CNTNAP2: variants seen among roughly 807,000 people sequenced by gnomAD.
CNTNAP2 encodes contactin-associated protein-like 2.
Under a neutral mutation model 155.2 loss-of-function variants are expected in CNTNAP2, and 98 were observed. The observed-to-expected ratio is 0.63, with a 90% CI of 0.54 to 0.75. The LOEUF (loss-of-function observed/expected upper bound fraction) is 0.75, where lower values mean the gene tolerates loss of function less well. Among genes scored for constraint, CNTNAP2 ranks in the 30% least tolerant of loss-of-function variants. The probability of loss-of-function intolerance (pLI) is 0.00; values close to 1 mark genes in which losing one functional copy is unlikely to be tolerated. For synonymous variants in CNTNAP2, 651 were observed against 631.2 expected (o/e 1.03, Z -0.47); for missense variants, 1,727 against 1,688.1 (o/e 1.02, Z -0.40).
intron 5 of CNTNAP2, among the ~76,000 whole-genome samples, chr7:147,111,876 A>G (rs951806110): frequency 1.1e-4 from 17 of 152,046 alleles, no homozygotes; most frequent in Non-Finnish European, 2.5e-4. Flanking sequence ...GTGAATTTTT[A>G]AATAGTTTTT....
At chr7:146,433,800 G>C (rs933262002) in intron 1 of CNTNAP2, among the ~76,000 whole-genome samples, 1 of 152,136 alleles carries the variant, frequency 6.6e-6, no homozygotes, top group African/African-American at 2.4e-5. Flanking sequence ...TGAGAACTCC[G>C]TCATGATATG....
chr7:147,280,262 C>T (rs916290858), intron 8 of CNTNAP2, among the ~76,000 whole-genome samples: 1 of 151,856 alleles, frequency 6.6e-6, no homozygotes, highest in Non-Finnish European at 1.5e-5. Context: ...ATAAATTAAA[C>T]AACTGAGGCT....
chr7:146,928,766 G>T (rs539800284), intron 3 of CNTNAP2, among the ~76,000 whole-genome samples: 4 of 152,178 alleles, frequency 2.6e-5, no homozygotes, highest in African/African-American at 7.2e-5. Context: ...CTTAAAAAGC[G>T]GTGCACCAGG....
At chr7:146,648,571 G>T (rs906733706) in intron 1 of CNTNAP2, among the ~76,000 whole-genome samples, 5 of 152,014 alleles carry the variant, frequency 3.3e-5, no homozygotes, top group African/African-American at 1.2e-4. Context: ...GAGTCTAAGA[G>T]ACCAAATAGA....
chr7:146,712,391 A>AT (rs1801110870), intron 1 of CNTNAP2, among the ~76,000 whole-genome samples: 4 of 132,164 alleles, frequency 3.0e-5, no homozygotes, highest in Admixed American at 7.7e-5. Context: ...TATACTATAT[A>AT]TATAAATAAA....
intron 12 of CNTNAP2, among the ~76,000 whole-genome samples, chr7:147,595,393 A>G (rs1041966882): frequency 4.6e-5 from 7 of 152,172 alleles, no homozygotes; most frequent in Non-Finnish European, 8.8e-5. Flanking sequence ...TCTCCAAAGA[A>G]GTGTCATTTG....
At chr7:147,071,491 T>C (rs1277404420) in intron 4 of CNTNAP2, among the ~76,000 whole-genome samples, 1 of 152,152 alleles carries the variant, frequency 6.6e-6, no homozygotes, top group East Asian at 1.9e-4. Context: ...AAATATGAAA[T>C]GAGTTCCTGA....
At chr7:146,635,489 G>A (rs769424617) in intron 1 of CNTNAP2, among the ~76,000 whole-genome samples, 1 of 152,122 alleles carries the variant, frequency 6.6e-6, no homozygotes, top group Non-Finnish European at 1.5e-5. Context: ...AAGAGGAGGT[G>A]GGGTAGTCAA....
At chr7:147,801,309 G>GTTTTTTTTTTTTTTTTTGATTT (rs57750335) in intron 13 of CNTNAP2, among the ~76,000 whole-genome samples, 1 of 130,392 alleles carries the variant, frequency 7.7e-6, no homozygotes, top group Non-Finnish European at 1.6e-5. Flanking sequence ...CTTCTATGAA[G>GTTTTTTTTTTTTTTTTTGATTT]TTTTTTTTTT....
chr7:148,240,104 G>A (rs897985023), intron 20 of CNTNAP2, among the ~76,000 whole-genome samples: 1 of 152,184 alleles, frequency 6.6e-6, no homozygotes, highest in African/African-American at 2.4e-5. Context: ...TACTGATGTG[G>A]AATGCAATTA....
At chr7:146,822,907 ATTCT>A (rs903254256) in intron 2 of CNTNAP2, among the ~76,000 whole-genome samples, 2 of 141,672 alleles carry the variant, frequency 1.4e-5, no homozygotes, top group African/African-American at 5.5e-5. Context: ...AAATATACTC[ATTCT>A]TCAGCATATT....
intron 10 of CNTNAP2, among the ~76,000 whole-genome samples, chr7:147,423,676 C>T (rs1313458457): frequency 6.6e-6 from 1 of 152,000 alleles, no homozygotes; most frequent in Non-Finnish European, 1.5e-5. Context: ...GAAATATTGG[C>T]CCTCCTCCAT....
chr7:146,479,745 T>C (rs893636992), intron 1 of CNTNAP2, among the ~76,000 whole-genome samples: 26 of 151,966 alleles, frequency 1.7e-4, no homozygotes, highest in African/African-American at 6.0e-4. Flanking sequence ...AGGAATGCAA[T>C]TAAGTGGGTA....
intron 1 of CNTNAP2, among the ~76,000 whole-genome samples, chr7:146,371,669 C>T (rs192015195): frequency 1.3e-4 from 19 of 151,818 alleles, no homozygotes; most frequent in Non-Finnish European, 2.2e-4. Flanking sequence ...AATATTTTGC[C>T]AGCTGGGCGT....
chr7:146,202,327 T>A (rs1232149328), intron 1 of CNTNAP2, among the ~76,000 whole-genome samples: 1 of 152,218 alleles, frequency 6.6e-6, no homozygotes, highest in Non-Finnish European at 1.5e-5. Flanking sequence ...GATGGCTAAA[T>A]GTTATTGAAA....
chr7:147,950,815 A>G (rs1412503429), intron 14 of CNTNAP2, among the ~76,000 whole-genome samples: 1 of 152,236 alleles, frequency 6.6e-6, no homozygotes, highest in African/African-American at 2.4e-5. Context: ...TTGTCCCTGT[A>G]TTGGGAGGAA....
chr7:148,106,493 G>GATAGATAGATAGAT (rs1490418389), intron 15 of CNTNAP2, among the ~76,000 whole-genome samples: 6 of 124,922 alleles, frequency 4.8e-5, no homozygotes, highest in African/African-American at 2.1e-4. Context: ...CACACTTTGA[G>GATAGATAGATAGAT]ATATATATAT....
chr7:146,308,112 A>C (rs2129089910), intron 1 of CNTNAP2, among the ~76,000 whole-genome samples: 1 of 152,324 alleles, frequency 6.6e-6, no homozygotes, highest in South Asian at 2.1e-4. Flanking sequence ...ATCTACAAAG[A>C]ACTTAACAAA....
intron 16 of CNTNAP2, among the ~76,000 whole-genome samples, chr7:148,139,952 A>G (rs971704045): frequency 1.3e-5 from 2 of 152,254 alleles, no homozygotes; most frequent in East Asian, 3.9e-4. Context: ...TCTGACACCA[A>G]TTGCAAGTTC....
Sources: allele counts gnomAD v4.1 joint callset (sites outside exome capture counted in the v4.1 genomes callset), GRCh38; gene constraint gnomAD v4.1.1; transcripts MANE v1.5; gene names NCBI Gene and HGNC (gene_info 2026-07-23, HGNC 2026-07-21).